Variants in PON3 observed in about 807,000 individuals in gnomAD.
PON3 encodes the protein serum paraoxonase/lactonase 3.
Under a neutral mutation model 36.3 loss-of-function variants are expected in PON3, and 37 were observed. The observed-to-expected ratio is 1.02, with a 90% CI of 0.78 to 1.34. PON3 has a LOEUF of 1.34. PON3 is among the 40% of genes most tolerant of loss of function. PON3 has a pLI of 0.00. For synonymous variants in PON3, 155 were observed against 154.8 expected (o/e 1.00, Z -0.01); for missense variants, 415 against 426.5 (o/e 0.97, Z 0.24).
At chr7:95,388,447 TGGA>T (rs1809249567) in intron 3 of PON3, among the ~76,000 whole-genome samples, 1 of 152,036 alleles carries the variant, frequency 6.6e-6, no homozygotes, top group Non-Finnish European at 1.5e-5. Flanking sequence ...CAACAGATGG[TGGA>T]GAAGATGTGG....
intron 3 of PON3, among the ~76,000 whole-genome samples, chr7:95,387,174 T>C (rs1473620368): frequency 1.3e-5 from 2 of 152,112 alleles, no homozygotes; most frequent in African/African-American, 2.4e-5. Context: ...GGTATTCAGT[T>C]AGGAAAAGAG....
At chr7:95,395,956 C>G (rs539092781) in intron 1 of PON3, 47 of 386,860 alleles carry the variant, frequency 1.2e-4, no homozygotes, top group Non-Finnish European at 1.9e-4. Flanking sequence ...TTTTCCCAAG[C>G]AGAATGTTGA....
chr7:95,388,649 T>C (rs1809253557), intron 3 of PON3, among the ~76,000 whole-genome samples: 3 of 152,342 alleles, frequency 2.0e-5, no homozygotes, highest in Middle Eastern at 6.8e-3. Flanking sequence ...TGTATGTTTA[T>C]TGCAGCACTG....
chr7:95,380,583 A>T (rs1809025678), intron 3 of PON3, among the ~76,000 whole-genome samples: 1 of 152,254 alleles, frequency 6.6e-6, no homozygotes, highest in Admixed American at 6.5e-5. Flanking sequence ...AATTCGATCA[A>T]GTGGAAGAAA....
At chr7:95,389,146 TAGACCA>T (rs1809264081) in intron 3 of PON3, among the ~76,000 whole-genome samples, 1 of 152,156 alleles carries the variant, frequency 6.6e-6, no homozygotes, top group Admixed American at 6.5e-5. Context: ...AAAACTTTTC[TAGACCA>T]TTTTGTTTTA....
chr7:95,375,693 G>A (rs973972257), intron 3 of PON3, among the ~76,000 whole-genome samples: 9 of 152,166 alleles, frequency 5.9e-5, no homozygotes, highest in African/African-American at 2.2e-4. Flanking sequence ...CTGCAAACAA[G>A]CTTGGTCTAG....
At chr7:95,372,733 T>C (rs532106020) in intron 3 of PON3, among the ~76,000 whole-genome samples, 16 of 152,310 alleles carry the variant, frequency 1.1e-4, no homozygotes, top group African/African-American at 3.6e-4. Flanking sequence ...CCTGGTATTC[T>C]ATAACTAACC....
At chr7:95,369,798 C>T (rs17879649) in intron 4 of PON3, among the ~76,000 whole-genome samples, 4,245 of 151,914 alleles carry the variant, frequency 0.028, 115 homozygotes, top group African/African-American at 0.068. Flanking sequence ...TAGTTACCAC[C>T]GTAATGAATG....
chr7:95,372,627 G>A (rs1046296400), intron 3 of PON3, among the ~76,000 whole-genome samples: 4 of 152,202 alleles, frequency 2.6e-5, no homozygotes, highest in Non-Finnish European at 4.4e-5. Context: ...AGACTAGGCT[G>A]TTACTTTGTG....
At chr7:95,393,886 G>A (rs1186636883) in intron 2 of PON3, among the ~76,000 whole-genome samples, 1 of 152,114 alleles carries the variant, frequency 6.6e-6, no homozygotes, top group Non-Finnish European at 1.5e-5. Flanking sequence ...GGTAGGCTGT[G>A]AGGTTCCTTC....
intron 3 of PON3, among the ~76,000 whole-genome samples, chr7:95,386,804 A>G (rs144614985): frequency 2.6e-4 from 40 of 152,342 alleles, no homozygotes; most frequent in Admixed American, 1.5e-3. Flanking sequence ...AGTCAGCTTC[A>G]TCCCAGAGAT....
At chr7:95,379,682 G>C (rs1325375736) in intron 3 of PON3, among the ~76,000 whole-genome samples, 2 of 152,236 alleles carry the variant, frequency 1.3e-5, no homozygotes, top group African/African-American at 4.8e-5. Flanking sequence ...GCTGAGGCTT[G>C]AGTAGGTAAA....
At chr7:95,377,568 C>T (rs940527498) in intron 3 of PON3, 45 of 427,686 alleles carry the variant, frequency 1.1e-4, no homozygotes, top group Admixed American at 3.5e-4. Context: ...GATGAAGCTT[C>T]CAGAAGAAAA....
intron 8 of PON3, among the ~76,000 whole-genome samples, chr7:95,361,490 G>A (rs749333158): frequency 9.9e-5 from 15 of 152,038 alleles, no homozygotes; most frequent in Non-Finnish European, 2.1e-4. Flanking sequence ...TCATCCTGCT[G>A]CATATAGTAA....
At chr7:95,375,080 C>T (rs1260116931) in intron 3 of PON3, among the ~76,000 whole-genome samples, 1 of 152,006 alleles carries the variant, frequency 6.6e-6, no homozygotes, top group African/African-American at 2.4e-5. Flanking sequence ...CGAATCCATC[C>T]TCTCATTTAT....
chr7:95,372,357 A>G lies in PON3; in HGVS notation c.202-19T>C, dbSNP rs771919925. 3.3e-5 allele frequency: 53 copies of G among 1,611,684 alleles called. No homozygotes were observed. The highest frequency in any genetic ancestry group is 4.1e-5 in the Non-Finnish European group (48 of 1,178,432). ...TTAATCCCTTTTAAAAATAAAGAAC[A>G]AGTGTGCACACATATACATATCAAA... is the stretch of plus-strand genomic sequence containing the variant. On this transcript the variant is annotated intron_variant, in intron 3 of 8. Transcript: ENST00000265627.
At chr7:95,363,516 C>T (rs1264781052) in intron 6 of PON3, 6 of 327,388 alleles carry the variant, frequency 1.8e-5, no homozygotes, top group Non-Finnish European at 3.5e-5. Flanking sequence ...CTGAACTTAG[C>T]ATAAGTGGTC....
chr7:95,388,141 G>C (rs1334385023), intron 3 of PON3, among the ~76,000 whole-genome samples: 1 of 152,130 alleles, frequency 6.6e-6, no homozygotes, highest in Non-Finnish European at 1.5e-5. Flanking sequence ...ACTATCATCA[G>C]AGTGAAGAGG....
rs201644861 is a variant in PON3, at chr7:95,362,512, T to G, written c.778-22A>C. 3.1e-6 allele frequency: 5 copies of G among 1,613,116 alleles called. No individual in the cohort carries two copies. The African/African-American group carries it at 5.3e-5, about 17-fold the overall frequency. ...TCACCTTACAACAAAGAGGGAGTAG[T>G]GAAGACATTGTCTCAATGATTCCTC... On this transcript the variant is annotated intron_variant, in intron 7 of 8. Coordinates refer to ENST00000265627, the MANE Select transcript of PON3 (RefSeq NM_000940.3).
Sources: gnomAD v4.1 joint callset for allele counts (sites outside exome capture counted in the v4.1 genomes callset) on GRCh38, gnomAD v4.1.1 for gene constraint, MANE v1.5 for transcripts, NCBI Gene and HGNC (gene_info 2026-07-23, HGNC 2026-07-21) for gene names.